Variants in TRAF5 observed in about 807,000 individuals in gnomAD.
TRAF5 encodes the protein TNF receptor associated factor 5, also known as TNF receptor-associated factor 5.
In TRAF5, 48 loss-of-function variants were observed where a neutral mutation model predicts 64.5. The ratio of observed to expected loss-of-function variants is 0.74; its 90% CI spans 0.59 to 0.95. The LOEUF (loss-of-function observed/expected upper bound fraction) is 0.95, where lower values mean the gene tolerates loss of function less well. Ranked by LOEUF, TRAF5 falls within the 40% of genes least tolerant of loss-of-function variation. The pLI is 0.00. For missense variants in TRAF5, 545 were observed against 662.8 expected (o/e 0.82, Z 1.95); for synonymous variants, 206 against 240.5 (o/e 0.86, Z 1.33).
intron 4 of TRAF5, chr1:211,357,510 G>T (rs1230628162): frequency 6.6e-6 from 1 of 152,176 alleles, no homozygotes; most frequent in Admixed American, 6.5e-5. Context: ...CAGCTTTAGT[G>T]ACCAAAACTG....
At chr1:211,326,671 C>A, upstream of TRAF5, 5 of 985,824 alleles carry the variant, frequency 5.1e-6, no homozygotes, top group Non-Finnish European at 6.0e-6. This position sits in a 1 kb window ranked among gnomAD's most constrained non-coding sequence, Gnocchi z 5.0. Flanking sequence ...GGTTCTGAAG[C>A]GGGTAGGTTA....
intron 1 of TRAF5, among the ~76,000 whole-genome samples, chr1:211,345,358 C>T (rs547508126): frequency 9.9e-5 from 15 of 151,918 alleles, no homozygotes; most frequent in Non-Finnish European, 1.9e-4. Flanking sequence ...GCCAGCCCTG[C>T]GCTCCCCCCC....
In TRAF5 at chr1:211,353,462, G is replaced by A. The variant is rs1206775012; in HGVS notation, c.218+5G>A. ...GCACTGCATCCTGTCCCTGAGGTGAGTGGGCAGGGCCTGCAACTCTGGCCA... is the reference window on the plus strand; with the variant it reads ...GCACTGCATCCTGTCCCTGAGGTGAATGGGCAGGGCCTGCAACTCTGGCCA... On this transcript the variant is annotated splice_donor_5th_base_variant and intron_variant, in intron 2 of 10. Transcript: ENST00000261464. 4 of 1,610,418 alleles carry A rather than the reference G, an allele frequency of 2.5e-6. No homozygotes were observed. Among genetic ancestry groups the A allele is most frequent in the Non-Finnish European group, 3.4e-6 (4 of 1,179,002 alleles).
At chr1:211,364,265 G>C (rs1480769685) in intron 7 of TRAF5, among the ~76,000 whole-genome samples, 1 of 152,228 alleles carries the variant, frequency 6.6e-6, no homozygotes, top group Non-Finnish European at 1.5e-5. Context: ...ATGGTTTTGA[G>C]GGCAACAAAT....
chr1:211,368,320 A>C (rs79087456), intron 8 of TRAF5, among the ~76,000 whole-genome samples: 2,907 of 152,356 alleles, frequency 0.019, 93 homozygotes, highest in African/African-American at 0.067. Context: ...TTCTGGTCAC[A>C]GTAAGGAGTA....
intron 7 of TRAF5, among the ~76,000 whole-genome samples, chr1:211,362,321 T>C (rs1012131461): frequency 6.6e-6 from 1 of 152,202 alleles, no homozygotes; most frequent in African/African-American, 2.4e-5. Flanking sequence ...TCTAAAATTA[T>C]TCCAAAATAA....
intron 8 of TRAF5, among the ~76,000 whole-genome samples, chr1:211,366,472 C>T (rs1405450215): frequency 6.6e-6 from 1 of 152,176 alleles, no homozygotes; most frequent in East Asian, 1.9e-4. Context: ...CCTTGAAGAA[C>T]TAACATAAAT....
intron 8 of TRAF5, among the ~76,000 whole-genome samples, chr1:211,368,169 TG>T (rs550541478): frequency 4.0e-4 from 61 of 152,130 alleles, no homozygotes; most frequent in African/African-American, 1.4e-3. Context: ...CTGGGCAGGA[TG>T]CATGTGGAAT....
At chr1:211,337,275 C>T (rs1452514890) in intron 1 of TRAF5, among the ~76,000 whole-genome samples, 2 of 152,156 alleles carry the variant, frequency 1.3e-5, no homozygotes, top group South Asian at 2.1e-4. Flanking sequence ...GAGCAGGTTC[C>T]TAAGGTGAAG....
intron 8 of TRAF5, 139 bp downstream of exon 8, chr1:211,365,607 A>G: frequency 1.5e-6 from 1 of 645,454 alleles, no homozygotes; most frequent in Non-Finnish European, 2.6e-6. Context: ...AAGTGGCCAA[A>G]CAGGCTCATA....
Position 211,361,146 on chromosome 1 carries a change from A to G in TRAF5, c.680A>G (p.Tyr227Cys), listed in dbSNP as rs772982474. The change falls in exon 7 of 11, where the codon TAT (tyrosine) becomes TGT (cysteine). Residue 227 changes from tyrosine (Y) to cysteine (C), a missense_variant. By Grantham distance (194) the Tyr-to-Cys change is radical. Coordinates refer to ENST00000261464, the MANE Select transcript of TRAF5 (RefSeq NM_001033910.3). Reference protein sequence around the residue: ...EAEQDCPFKHYGCAVTDKRRN... With the variant: ...EAEQDCPFKHCGCAVTDKRRN... ...GAGCAAGACTGTCCTTTTAAGCACT[A>G]TGGCTGTGCTGTAACGGTATGGAAT... 6.2e-7 allele frequency: 1 copy of G among 1,614,148 alleles called. No homozygotes were observed. Among genetic ancestry groups the G allele is most frequent in the Non-Finnish European group, 8.5e-7 (1 of 1,179,982 alleles).
chr1:211,360,617 A>G lies in TRAF5; in HGVS notation c.544-85A>G, dbSNP rs529067613. On this transcript the variant is annotated intron_variant, in intron 5 of 10. Coordinates refer to ENST00000261464, the MANE Select transcript of TRAF5 (RefSeq NM_001033910.3). ...TCCTGTAGAGAGTAAGCCACGTGAC[A>G]TATAATCCCCAAAGAGACACAGGTG... 7 of 1,093,996 alleles carry G rather than the reference A, an allele frequency of 6.4e-6. No individual in the cohort carries two copies. The South Asian group carries it at 7.9e-5, about 12-fold the overall frequency. The allele number at this position is 1,093,996 out of a possible 1,614,324, so 67.8% of individuals were successfully genotyped here. A position where few individuals can be genotyped will look rare whatever the true frequency, so the allele number is the denominator to read the frequency against.
intron 1 of TRAF5, among the ~76,000 whole-genome samples, chr1:211,342,454 C>G (rs1409438931): frequency 6.6e-6 from 1 of 152,024 alleles, no homozygotes; most frequent in Non-Finnish European, 1.5e-5. Context: ...ATGGGGTATC[C>G]ATTATCTCAA....
intron 6 of TRAF5, 134 bp from the exon 7 acceptor site, chr1:211,360,954 C>T: frequency 9.7e-7 from 1 of 1,027,430 alleles, no homozygotes; most frequent in Non-Finnish European, 1.5e-6. Context: ...CAACTTTCAT[C>T]ATAGCTCTTT....
intron 1 of TRAF5, among the ~76,000 whole-genome samples, chr1:211,352,488 G>T (rs921337789): frequency 4.0e-5 from 6 of 148,812 alleles, no homozygotes; most frequent in Non-Finnish European, 5.9e-5. Context: ...AATTGGCCTG[G>T]TGTGGTGGTG....
At chr1:211,352,541 A>G (rs554057790) in intron 1 of TRAF5, among the ~76,000 whole-genome samples, 1 of 150,376 alleles carries the variant, frequency 6.6e-6, no homozygotes, top group East Asian at 2.0e-4. Flanking sequence ...GGGAGGGATC[A>G]GTTGAGCCCA....
chr1:211,367,391 A>G (rs2102768309), intron 8 of TRAF5, among the ~76,000 whole-genome samples: 1 of 152,372 alleles, frequency 6.6e-6, no homozygotes, highest in South Asian at 2.1e-4. Context: ...CATTTCTGTC[A>G]TCCCCAGTTT....
chr1:211,349,645 G>T (rs1225734301), intron 1 of TRAF5, among the ~76,000 whole-genome samples: 1 of 152,214 alleles, frequency 6.6e-6, no homozygotes, highest in Non-Finnish European at 1.5e-5. Flanking sequence ...TCCAGAGACC[G>T]AAAAGTTGGA....
At chr1:211,339,837 C>T (rs1026070578) in intron 1 of TRAF5, among the ~76,000 whole-genome samples, 1 of 152,202 alleles carries the variant, frequency 6.6e-6, no homozygotes, top group African/African-American at 2.4e-5. Context: ...CCCTGTGTGC[C>T]TCTCACAACA....
Sources: gnomAD v4.1 joint callset for allele counts (sites outside exome capture counted in the v4.1 genomes callset) on GRCh38, gnomAD v4.1.1 for gene constraint, Gnocchi (gnomAD v3.1) non-coding constraint, MANE v1.5 for transcripts, NCBI Gene and HGNC (gene_info 2026-07-23, HGNC 2026-07-21) for gene names.